WASHC5: variants seen among roughly 807,000 people sequenced by gnomAD.
WASHC5 encodes the protein WASH complex subunit 5, also known as WASH complex subunit strumpellin.
WASHC5 carries 101 observed loss-of-function variants against 150.4 expected under a neutral mutation model. The ratio of observed to expected loss-of-function variants is 0.67; its 90% CI spans 0.57 to 0.79. WASHC5 has a LOEUF of 0.79. Among genes scored for constraint, WASHC5 ranks in the 30% least tolerant of loss-of-function variants. The pLI is 0.00. For missense variants in WASHC5, 1,195 were observed against 1,396.3 expected (o/e 0.86, Z 2.30); for synonymous variants, 467 against 491.2 (o/e 0.95, Z 0.65).
At chr8:125,029,928 G>A (rs1815478422) in intron 27 of WASHC5, among the ~76,000 whole-genome samples, 1 of 152,162 alleles carries the variant, frequency 6.6e-6, no homozygotes, top group South Asian at 2.1e-4. Context: ...TTCAATCTGT[G>A]ACCAGGGCTA....
In WASHC5 at chr8:125,080,708, C is replaced by T. The variant is rs559381968; in HGVS notation, c.518+953G>A. Among the ~76,000 whole-genome samples the T allele has an allele frequency of 6.6e-5, 10 of 152,236 alleles. No individual in the cohort carries two copies. The South Asian group carries it at 8.3e-4, about 13-fold the overall frequency. On this transcript the variant is annotated intron_variant, in intron 5 of 28. Coordinates refer to ENST00000318410, the MANE Select transcript of WASHC5 (RefSeq NM_014846.4). ...TCATTCAACCAATTGAAAATCTGTG[C>T]GTTAGACACTAAAATTAAAAAGTTG...
At chr8:125,087,651 T>G (rs1817458412) in intron 1 of WASHC5, among the ~76,000 whole-genome samples, 1 of 151,282 alleles carries the variant, frequency 6.6e-6, no homozygotes, top group Non-Finnish European at 1.5e-5. Context: ...GAGGATTGCT[T>G]GAGCCCTGGA....
intron 28 of WASHC5, among the ~76,000 whole-genome samples, chr8:125,027,774 A>T (rs923179318): frequency 2.0e-5 from 3 of 152,240 alleles, no homozygotes; most frequent in African/African-American, 7.2e-5. Context: ...GGAAAAATAG[A>T]ATAAAAAAGG....
At chr8:125,068,052 C>T (rs1816799538) in intron 9 of WASHC5, among the ~76,000 whole-genome samples, 2 of 152,198 alleles carry the variant, frequency 1.3e-5, no homozygotes, top group South Asian at 2.1e-4. Context: ...CCTTGTACTA[C>T]TTCATAGCTG....
chr8:125,049,169 G>T lies in WASHC5; in HGVS notation c.2216C>A (p.Pro739His). 6.2e-7 allele frequency: 1 copy of T among 1,613,966 alleles called. No homozygotes were observed. The highest frequency in any genetic ancestry group is 8.5e-7 in the Non-Finnish European group (1 of 1,179,988). Reference sequence around the variant, plus strand: ...GGTCGCTCCCAACTCTTTCAGCTTGGGCATCAATTCACTTGGCTGTGGAAA... The same window carrying T: ...GGTCGCTCCCAACTCTTTCAGCTTGTGCATCAATTCACTTGGCTGTGGAAA... ...NPRAKPSELMPKLKELGATMD... is the reference protein window; with the variant it reads ...NPRAKPSELMHKLKELGATMD... Residue 739 changes from proline (P) to histidine (H), a missense_variant, in exon 19 of 29, where the codon CCC becomes CAC. Pro to His is a moderately conservative substitution (Grantham distance 77). This residue lies in a region of WASHC5 where 997 missense variants were observed against 1,168.1 expected (regional missense o/e 0.85). Coordinates refer to ENST00000318410, the MANE Select transcript of WASHC5 (RefSeq NM_014846.4).
chr8:125,067,529 T>C, intron 10 of WASHC5, 63 bp downstream of exon 10: 1 of 1,401,652 alleles, frequency 7.1e-7, no homozygotes, highest in Non-Finnish European at 1.0e-6. Context: ...GTCTTTTTTT[T>C]AAAAAATATT....
chr8:125,087,659 G>A (rs974239781), intron 1 of WASHC5, among the ~76,000 whole-genome samples: 1 of 151,330 alleles, frequency 6.6e-6, no homozygotes, highest in African/African-American at 2.4e-5. Flanking sequence ...CTTGAGCCCT[G>A]GAGGTTGAGG....
chr8:125,041,219 C>A (rs760053849), intron 23 of WASHC5, among the ~76,000 whole-genome samples: 7 of 152,058 alleles, frequency 4.6e-5, no homozygotes, highest in African/African-American at 1.4e-4. Flanking sequence ...CTTTTCTACT[C>A]GGACAAAGTA....
chr8:125,030,538 G>A (rs565466350), intron 27 of WASHC5, among the ~76,000 whole-genome samples: 2 of 150,562 alleles, frequency 1.3e-5, no homozygotes, highest in South Asian at 4.2e-4. Flanking sequence ...AAAATCAGTA[G>A]GAGCCACTGG....
chr8:125,064,209 T>G (rs549211033), intron 10 of WASHC5, among the ~76,000 whole-genome samples: 4 of 152,182 alleles, frequency 2.6e-5, no homozygotes, highest in South Asian at 2.1e-4. Context: ...TATTTATTTA[T>G]TTAGTTTTTG....
intron 10 of WASHC5, among the ~76,000 whole-genome samples, chr8:125,064,473 TG>T (rs2130123294): frequency 1.3e-5 from 2 of 151,974 alleles, no homozygotes; most frequent in South Asian, 4.2e-4. Flanking sequence ...CCTCCCTCCT[TG>T]GTCTCCCACA....
intron 27 of WASHC5, among the ~76,000 whole-genome samples, chr8:125,030,636 A>AT (rs1491425162): frequency 5.2e-5 from 6 of 116,436 alleles, no homozygotes; most frequent in Admixed American, 2.8e-4. Context: ...ACTCTTTCTC[A>AT]TAAAAAAAAA....
At position 125,028,746 on chromosome 8, in the gene WASHC5, C is replaced by A. The variant is rs577710648; in HGVS notation, c.3336-39G>T. The A allele has an allele frequency of 2.0e-5, 27 of 1,383,006 alleles. No individual in the cohort carries two copies. In the Admixed American group the frequency reaches 4.2e-4, roughly 21 times the overall value. The allele number at this position is 1,383,006 out of a possible 1,614,324, so 85.7% of individuals were successfully genotyped here. ...CAGTTTAGATCAATTAACTGCTTTGCACATCATAAGCCCTTTTGGTCAGAA... is the reference window on the plus strand; with the variant it reads ...CAGTTTAGATCAATTAACTGCTTTGAACATCATAAGCCCTTTTGGTCAGAA... On this transcript the variant is annotated intron_variant, in intron 27 of 28. Transcript: ENST00000318410.
chr8:125,088,611 G>A (rs1300376283), intron 1 of WASHC5, among the ~76,000 whole-genome samples: 2 of 152,036 alleles, frequency 1.3e-5, no homozygotes, highest in Non-Finnish European at 2.9e-5. Context: ...ACAAGGAACT[G>A]AGGCTTGCCA....
chr8:125,044,361 C>T lies in WASHC5; in HGVS notation c.2667+175G>A, dbSNP rs116799901. ...TCTAATCCTAAAAGTACTATGCTGG[C>T]CAAACAAATTCTAGTTTATTCCCAG... On this transcript the variant is annotated intron_variant, in intron 21 of 28. Transcript: ENST00000318410. The T allele has an allele frequency of 1.4e-3, 1,062 of 752,738 alleles. 9 individuals are homozygous for T. In the African/African-American group the frequency reaches 0.017, roughly 12 times the overall value. 46.6% of individuals were successfully genotyped at this position (752,738 alleles called of 1,614,324 possible).
In WASHC5 at chr8:125,063,467, C is replaced by T. The variant is rs891871699; in HGVS notation, c.1408+55G>A. On this transcript the variant is annotated intron_variant, in intron 11 of 28. Coordinates refer to ENST00000318410, the MANE Select transcript of WASHC5 (RefSeq NM_014846.4). ...TTTAACCTGCCAGTTTCCAAGGTTTCAAATAACCTGTGCACACATTCCAAA... is the reference window on the plus strand; with the variant it reads ...TTTAACCTGCCAGTTTCCAAGGTTTTAAATAACCTGTGCACACATTCCAAA... 17 of 1,592,884 alleles carry T rather than the reference C, an allele frequency of 1.1e-5. No individual in the cohort carries two copies. In the South Asian group the frequency reaches 1.9e-4, roughly 18 times the overall value.
intron 10 of WASHC5, among the ~76,000 whole-genome samples, chr8:125,064,387 T>A (rs1816690160): frequency 2.3e-5 from 1 of 42,672 alleles, no homozygotes; most frequent in African/African-American, 9.9e-4. Context: ...ATTTATTTAT[T>A]TTTTTTTTTT....
In WASHC5 at chr8:125,061,190, G is replaced by A. The variant is rs143967982; in HGVS notation, c.1413C>T (p.Asn471=). The change falls in exon 12 of 29, where the codon AAC becomes AAT. Residue 471 remains asparagine, a synonymous_variant. Transcript: ENST00000318410. ...KPLTRVEKNE[N]LQAWFREISK... is the part of the protein sequence containing the mutation. ...AGATCTCTCTGAACCAAGCTTGAAG[G>A]TTTTCTAGTAATACAGAAATAAGAA... 1.6e-5 allele frequency: 25 copies of A among 1,539,340 alleles called. No individual in the cohort carries two copies. In the African/African-American group the frequency reaches 3.1e-4, roughly 19 times the overall value.
At chr8:125,069,663 G>A (rs555344294) in intron 9 of WASHC5, among the ~76,000 whole-genome samples, 1 of 152,290 alleles carries the variant, frequency 6.6e-6, no homozygotes, top group South Asian at 2.1e-4. Context: ...GAGGAGACTC[G>A]TGACAACCTG....
Sources: gnomAD v4.1 joint callset for allele counts (sites outside exome capture counted in the v4.1 genomes callset) on GRCh38, gnomAD v4.1.1 for gene constraint, gnomAD v4.1.1 regional missense constraint, MANE v1.5 for transcripts, NCBI Gene and HGNC (gene_info 2026-07-23, HGNC 2026-07-21) for gene names.